The following MTIF2 variants were observed in gnomAD, a reference collection of about 807,000 sequenced individuals.
The protein encoded by MTIF2 is translation initiation factor IF-2, mitochondrial.
Under a neutral mutation model 83.5 loss-of-function variants are expected in MTIF2, and 71 were observed. That is an observed-to-expected ratio of 0.85 (90% CI 0.70 to 1.04). MTIF2 has a LOEUF of 1.04. Ranked by LOEUF, MTIF2 falls within the 50% of genes least tolerant of loss-of-function variation. The pLI is 0.00. For missense variants in MTIF2, 957 were observed against 846.5 expected (o/e 1.13, Z -1.62); for synonymous variants, 319 against 287.1 (o/e 1.11, Z -1.12).
At chr2:55,240,900 G>A (rs181120440) in intron 13 of MTIF2, among the ~76,000 whole-genome samples, 2 of 152,112 alleles carry the variant, frequency 1.3e-5, no homozygotes, top group East Asian at 3.9e-4. Flanking sequence ...AATTTTTGTG[G>A]TTTGCACTTA....
intron 14 of MTIF2, among the ~76,000 whole-genome samples, chr2:55,238,169 T>C (rs2104267514): frequency 6.8e-6 from 1 of 146,424 alleles, no homozygotes; most frequent in Non-Finnish European, 1.5e-5. Flanking sequence ...TAGCTAAGAC[T>C]ACAGGTGCGT....
intron 3 of MTIF2, among the ~76,000 whole-genome samples, chr2:55,264,289 T>C (rs774109458): frequency 3.3e-5 from 5 of 152,224 alleles, no homozygotes; most frequent in African/African-American, 4.8e-5. Flanking sequence ...TGGAATGCAG[T>C]GGTATGGTCA....
At chr2:55,256,662 C>T (rs1677562503) in intron 5 of MTIF2, among the ~76,000 whole-genome samples, 1 of 151,018 alleles carries the variant, frequency 6.6e-6, no homozygotes, top group South Asian at 2.1e-4. Flanking sequence ...GATCACGCCA[C>T]TGCGCTCCAG....
chr2:55,250,965 C>G (rs966831242), intron 8 of MTIF2, among the ~76,000 whole-genome samples: 1 of 151,790 alleles, frequency 6.6e-6, no homozygotes, highest in African/African-American at 2.4e-5. Context: ...CAAAAATTAG[C>G]CAGGTGTGGT....
At chr2:55,259,690 A>T (rs966139285) in intron 5 of MTIF2, among the ~76,000 whole-genome samples, 1 of 152,240 alleles carries the variant, frequency 6.6e-6, no homozygotes, top group African/African-American at 2.4e-5. Flanking sequence ...CACGCCTATA[A>T]TCCTAGCATT....
At chr2:55,267,184 GT>G (rs1371847201) in intron 3 of MTIF2, among the ~76,000 whole-genome samples, 1 of 151,704 alleles carries the variant, frequency 6.6e-6, no homozygotes, top group East Asian at 1.9e-4. Context: ...TTGAGATGGA[GT>G]TTTGCTCATC....
intron 9 of MTIF2, among the ~76,000 whole-genome samples, chr2:55,248,535 G>T (rs896342899): frequency 1.1e-4 from 16 of 152,282 alleles, no homozygotes; most frequent in Admixed American, 7.2e-4. Flanking sequence ...AACCTCTATA[G>T]GGTAAGAGAA....
chr2:55,238,620 T>A (rs544939366), intron 14 of MTIF2, among the ~76,000 whole-genome samples: 33 of 151,934 alleles, frequency 2.2e-4, no homozygotes, highest in Admixed American at 1.2e-3. Flanking sequence ...TGAACTCCCA[T>A]CCTCAGGTGA....
intron 12 of MTIF2, among the ~76,000 whole-genome samples, 159 bp downstream of exon 12, chr2:55,243,257 C>T (rs552956207): frequency 8.5e-5 from 13 of 152,164 alleles, no homozygotes; most frequent in African/African-American, 2.4e-4. Flanking sequence ...ATGAGCCAAA[C>T]GTACATTTAC....
chr2:55,250,922 C>T (rs1362807715), intron 8 of MTIF2, among the ~76,000 whole-genome samples: 1 of 151,840 alleles, frequency 6.6e-6, no homozygotes, highest in African/African-American at 2.4e-5. Flanking sequence ...CCAACCTGGC[C>T]AACATGGTAA....
rs573048497 is a variant in MTIF2, at chr2:55,237,324, A to T, written c.1975T>A (p.Phe659Ile). ...ACATGTCCATTACGGGTTAGTTTAA[A>T]TTTTTTTTGTTTTTCTAACTGTCCC... ...QKGQLEKQKK[F>I]KLTRNGHVIW... is the part of the protein sequence containing the mutation. The change falls in exon 15 of 16, where the codon TTT becomes ATT. Residue 659 changes from phenylalanine to isoleucine, a missense_variant. This residue lies in a region of MTIF2 where 221 missense variants were observed against 180.6 expected (regional missense o/e 1.22). Coordinates refer to ENST00000263629, the MANE Select transcript of MTIF2 (RefSeq NM_002453.3). 6.8e-6 allele frequency: 11 copies of T among 1,612,142 alleles called. No individual in the cohort carries two copies. The highest frequency in any genetic ancestry group is 2.2e-5 in the East Asian group (1 of 44,828).
intron 14 of MTIF2, among the ~76,000 whole-genome samples, chr2:55,239,489 T>C (rs1197330829): frequency 2.0e-5 from 3 of 151,824 alleles, no homozygotes; most frequent in Non-Finnish European, 4.4e-5. Flanking sequence ...ATTATCAAAA[T>C]TAAAAGTTAA....
chr2:55,237,360 T>G lies in MTIF2; in HGVS notation c.1939A>C (p.Arg647=). ...GKKKVPVAGC[R]VQKGQLEKQK... ...TTTTCTAACTGTCCCTTTTGGACTC[T>G]GCAGCCAGCCACAGGAACTTTTTTC... is the stretch of plus-strand genomic sequence containing the variant. Residue 647 remains arginine, a synonymous_variant, in exon 15 of 16, where the codon AGA becomes CGA. Coordinates refer to ENST00000263629, the MANE Select transcript of MTIF2 (RefSeq NM_002453.3). The G allele has an allele frequency of 1.9e-6, 3 of 1,613,134 alleles. No individual in the cohort carries two copies. The highest frequency in any genetic ancestry group is 1.3e-5 in the African/African-American group (1 of 75,036).
rs145829133 is a variant in MTIF2 at position 55,268,720 on chromosome 2, G to A, written c.-217C>T. On this transcript the variant is annotated 5_prime_UTR_variant, in exon 2 of 16. Transcript: ENST00000263629. ...CCAGTACGGTGTTGTTTCGCCGCTAGGATATCCTTGTCAAGGAATCTGAAA... is the reference window on the plus strand; with the variant it reads ...CCAGTACGGTGTTGTTTCGCCGCTAAGATATCCTTGTCAAGGAATCTGAAA... 1 of 152,230 alleles carries A rather than the reference G, an allele frequency of 6.6e-6. No homozygotes were observed. The highest frequency in any genetic ancestry group is 1.5e-5 in the Non-Finnish European group (1 of 68,078). The allele number at this position is 152,230 out of a possible 1,614,324, so 9.4% of individuals were successfully genotyped here.
At chr2:55,252,236 G>A (rs964815180) in intron 8 of MTIF2, among the ~76,000 whole-genome samples, 4 of 151,946 alleles carry the variant, frequency 2.6e-5, no homozygotes, top group African/African-American at 4.8e-5. Context: ...GAAAAAAAAA[G>A]GGCATAGTAG....
rs936317913 is a variant in MTIF2, at chr2:55,254,507, A to G, written c.503+147T>C. 2.1e-5 allele frequency: 15 copies of G among 720,096 alleles called. No homozygotes were observed. In the African/African-American group the frequency reaches 2.7e-4, roughly 13 times the overall value. 44.6% of individuals were successfully genotyped at this position (720,096 alleles called of 1,614,324 possible). A position where few individuals can be genotyped will look rare whatever the true frequency, so the allele number is the denominator to read the frequency against. The stretch of plus-strand genomic sequence containing the variant: ...TTATAATAACTTGAATGTATAATAC[A>G]CTTTCTAATGCTTTAAGTACTTCGA... On this transcript the variant is annotated intron_variant, in intron 6 of 15. Transcript: ENST00000263629.
At chr2:55,254,926 G>A (rs932116787) in intron 5 of MTIF2, 101 bp from the exon 6 acceptor site, 2 of 573,460 alleles carry the variant, frequency 3.5e-6, no homozygotes, top group Admixed American at 4.3e-5. Context: ...TCAATGAGAG[G>A]AATAACTATG....
intron 7 of MTIF2, among the ~76,000 whole-genome samples, chr2:55,253,471 G>C (rs1028850188): frequency 6.6e-6 from 1 of 152,112 alleles, no homozygotes; most frequent in African/African-American, 2.4e-5. Flanking sequence ...TTGAGGTCAA[G>C]GGTTCGACAC....
rs912448825 is a variant in MTIF2, at chr2:55,236,767, C to T, written c.2065G>A (p.Gly689Arg). ...TCTAAACTGAGACCACAATCCATTC[C>T]CGTTTTGACAATTGAAATGTCATCT... The part of the protein sequence containing the change: ...HKDDISIVKT[G>R]MDCGLSLDED... Residue 689 changes from glycine (G) to arginine (R), a missense_variant, in exon 16 of 16, where the codon GGA becomes AGA. Physicochemically the swap from Gly to Arg is moderately radical, Grantham distance 125. Around this residue, in one of 3 missense-constraint regions of MTIF2, gnomAD observed 221 missense variants for 180.6 expected, o/e 1.22. Coordinates refer to ENST00000263629, the MANE Select transcript of MTIF2 (RefSeq NM_002453.3). 1.9e-6 allele frequency: 3 copies of T among 1,610,034 alleles called. No individual in the cohort carries two copies. Among genetic ancestry groups the T allele is most frequent in the Non-Finnish European group, 2.5e-6 (3 of 1,179,006 alleles).
Sources: gnomAD v4.1 joint callset for allele counts (sites outside exome capture counted in the v4.1 genomes callset) on GRCh38, gnomAD v4.1.1 for gene constraint, gnomAD v4.1.1 regional missense constraint, MANE v1.5 for transcripts, NCBI Gene and HGNC (gene_info 2026-07-23, HGNC 2026-07-21) for gene names.